Variants in HERC1 observed in about 807,000 individuals in gnomAD.
HERC1 encodes the protein probable E3 ubiquitin-protein ligase HERC1.
In HERC1, 160 loss-of-function variants were observed where a neutral mutation model predicts 554.3. That is an observed-to-expected ratio of 0.29 (90% CI 0.25 to 0.33). The LOEUF (loss-of-function observed/expected upper bound fraction) is 0.33, where lower values mean the gene tolerates loss of function less well. Among genes scored for constraint, HERC1 ranks in the 10% least tolerant of loss-of-function variants. The pLI, the probability that HERC1 is intolerant of heterozygous loss-of-function variation, is 1.00. For synonymous variants in HERC1, 2,175 were observed against 2,131.7 expected, an observed-to-expected ratio of 1.02 and a Z score of -0.56; for missense variants, 4,919 against 5,918.5, an observed-to-expected ratio of 0.83 and a Z score of 5.54.
In HERC1 at chr15:63,663,195, T is replaced by G; in HGVS notation, c.8690A>C (p.Tyr2897Ser). 6.2e-7 allele frequency: 1 copy of G among 1,613,532 alleles called. No individual in the cohort carries two copies. Among genetic ancestry groups the G allele is most frequent in the Non-Finnish European group, 8.5e-7 (1 of 1,179,524 alleles). ...RTLLARAAGL[Y>S]RSVQAHRNQS... is the part of the protein sequence containing the mutation. ...ATTCCTGTGGGCCTGCACAGAGCGG[T>G]ATAATCCCGCTCAGAACAAAACAAA... is the stretch of plus-strand genomic sequence containing the variant. Residue 2897 changes from tyrosine (Y) to serine (S), a missense_variant, in exon 44 of 78, where the codon TAC (tyrosine) becomes TCC (serine). Coordinates refer to ENST00000443617, the MANE Select transcript of HERC1 (RefSeq NM_003922.4).
intron 56 of HERC1, 72 bp downstream of exon 56, chr15:63,645,411 C>T: frequency 2.7e-6 from 3 of 1,124,858 alleles, no homozygotes; most frequent in East Asian, 5.0e-5. Context: ...TACTGAGAAG[C>T]CACACTTAAT....
At chr15:63,697,288 C>T (rs570833042) in intron 26 of HERC1, among the ~76,000 whole-genome samples, 3 of 152,068 alleles carry the variant, frequency 2.0e-5, no homozygotes, top group South Asian at 2.1e-4. Flanking sequence ...GACGACACTT[C>T]GGAAGAGCTG....
chr15:63,747,788 A>T lies in HERC1; in HGVS notation c.2290T>A (p.Phe764Ile). ...EESTFSHLRS[F>I]LERYCDKINS... Reference sequence around the variant, plus strand: ...ATTTTATCACAGTATCTCTCAAGAAAAGAACGCAGGTGTGAGAAGGTACTC... The same window carrying T: ...ATTTTATCACAGTATCTCTCAAGAATAGAACGCAGGTGTGAGAAGGTACTC... The change falls in exon 11 of 78, where the codon TTT (phenylalanine) becomes ATT (isoleucine). Residue 764 changes from phenylalanine (F) to isoleucine (I), a missense_variant. This residue lies in a region of HERC1 where 744 missense variants were observed against 1,090.0 expected (regional missense o/e 0.68). Transcript: ENST00000443617. The T allele has an allele frequency of 6.4e-7, 1 of 1,550,948 alleles. No individual in the cohort carries two copies. The highest frequency in any genetic ancestry group is 2.4e-5 in the East Asian group (1 of 40,908).
rs760636290 is a variant in HERC1, at chr15:63,616,547, C to A, written c.13824G>T (p.Leu4608=). The part of the protein sequence containing the change: ...LHLAPLVWKQ[L]CCVPLTLEDL... ...CCTCTAGGGTGAGTGGGACACAGCA[C>A]AGCTGCTTCCACACCAGAGGGGCCA... Residue 4608 remains leucine, a synonymous_variant, in exon 75 of 78, where the codon CTG becomes CTT. Transcript: ENST00000443617. 7.4e-6 allele frequency: 12 copies of A among 1,613,924 alleles called. No individual in the cohort carries two copies. The highest frequency in any genetic ancestry group is 9.3e-6 in the Non-Finnish European group (11 of 1,179,898).
chr15:63,738,419 AC>A (rs1173402606), intron 12 of HERC1, among the ~76,000 whole-genome samples: 1 of 152,228 alleles, frequency 6.6e-6, no homozygotes, highest in Non-Finnish European at 1.5e-5. Flanking sequence ...ATAGTATTAA[AC>A]CAATACTAAT....
rs1345311010 is a variant in HERC1, at chr15:63,749,139, T to C, written c.2219+228A>G. Among the ~76,000 whole-genome samples, 1 of 152,158 alleles carries C rather than the reference T, an allele frequency of 6.6e-6. No homozygotes were observed. The highest frequency in any genetic ancestry group is 1.5e-5 in the Non-Finnish European group (1 of 68,020). Reference sequence around the variant, plus strand: ...AACTCAAAATGTTTAAAAGACAATGTCTTAAATACTGGGTATGACTTCTTG... The same window carrying C: ...AACTCAAAATGTTTAAAAGACAATGCCTTAAATACTGGGTATGACTTCTTG... On this transcript the variant is annotated intron_variant, in intron 10 of 77. Transcript: ENST00000443617. This position sits in a 1 kb window ranked among gnomAD's most constrained non-coding sequence, Gnocchi z 4.1.
intron 1 of HERC1, among the ~76,000 whole-genome samples, chr15:63,813,370 TAAAAGAGCCCATACATAGATTACTCC>T (rs2077393214): frequency 6.9e-6 from 1 of 144,604 alleles, no homozygotes; most frequent in Non-Finnish European, 1.5e-5. Flanking sequence ...GTACACACAC[TAAAAGAGCCCATACATAGATTACTCC>T]AAAAGAGCCA....
In HERC1 at chr15:63,729,663, C is replaced by T. The variant is rs769281782; in HGVS notation, c.2869-14G>A. On this transcript the variant is annotated splice_polypyrimidine_tract_variant and intron_variant, in intron 14 of 77. Coordinates refer to ENST00000443617, the MANE Select transcript of HERC1 (RefSeq NM_003922.4). ...AAATGCTTGATCCTAAAATGACACA[C>T]AAAGGAAGTTTATATTTGAAGTGCT... 1 of 1,612,446 alleles carries T rather than the reference C, an allele frequency of 6.2e-7. No homozygotes were observed. Among genetic ancestry groups the T allele is most frequent in the South Asian group, 1.1e-5 (1 of 91,020 alleles).
rs567103025 is a variant in HERC1 at position 63,732,166 on chromosome 15, A to C, written c.2868+758T>G. ...TAGATGCCAGCCGCCACGCCTGGCT[A>C]ATTTTTGCATTTTTAGTAGAGACGG... is the stretch of plus-strand genomic sequence containing the variant. On this transcript the variant is annotated intron_variant, in intron 14 of 77. Transcript: ENST00000443617. Among the ~76,000 whole-genome samples, 41 of 152,050 alleles carry C rather than the reference A, an allele frequency of 2.7e-4. 1 individual carries two copies. Among genetic ancestry groups the C allele is most frequent in the African/African-American group, 9.9e-4 (41 of 41,472 alleles).
At chr15:63,665,873 G>T in intron 42 of HERC1, 46 bp downstream of exon 42, 1 of 1,434,404 alleles carries the variant, frequency 7.0e-7, no homozygotes, top group South Asian at 1.2e-5. Flanking sequence ...ATGGGGCTTT[G>T]AAATTTATAA....
In HERC1 at chr15:63,727,734, C is replaced by T. The variant is rs1012788096; in HGVS notation, c.3259G>A (p.Asp1087Asn). 1 of 1,613,766 alleles carries T rather than the reference C, an allele frequency of 6.2e-7. No individual in the cohort carries two copies. The highest frequency in any genetic ancestry group is 8.5e-7 in the Non-Finnish European group (1 of 1,179,844). ...AGGCAATCAAGAGGTGGCAACAAGT[C>T]GAGGAGGTAACTCAATAAAGGCCGA... ...VARPLLSYLL[D>N]LLPPLDCLNR... The change falls in exon 17 of 78, where the codon GAC (aspartate) becomes AAC (asparagine). Residue 1087 changes from aspartate (D) to asparagine (N), a missense_variant. By Grantham distance (23) the Asp-to-Asn change is conservative. Around this residue, in one of 11 missense-constraint regions of HERC1, gnomAD observed 1,121 missense variants for 1,244.0 expected, o/e 0.90. Coordinates refer to ENST00000443617, the MANE Select transcript of HERC1 (RefSeq NM_003922.4). This position sits in a 1 kb window ranked among gnomAD's most constrained non-coding sequence, Gnocchi z 4.3.
intron 1 of HERC1, among the ~76,000 whole-genome samples, chr15:63,806,817 T>A (rs1036299841): frequency 6.6e-6 from 1 of 152,238 alleles, no homozygotes; most frequent in Non-Finnish European, 1.5e-5. Context: ...TCATCCAGGC[T>A]GGAGTGCAGT....
At chr15:63,691,717 C>T (rs865783833) in intron 31 of HERC1, among the ~76,000 whole-genome samples, 14 of 151,404 alleles carry the variant, frequency 9.2e-5, no homozygotes, top group Middle Eastern at 3.2e-3. Context: ...TATAAAATAC[C>T]ATGTGCCGTA....
intron 1 of HERC1, among the ~76,000 whole-genome samples, chr15:63,808,621 A>G (rs565454206): frequency 1.1e-4 from 16 of 152,182 alleles, no homozygotes; most frequent in Admixed American, 5.9e-4. Flanking sequence ...ATCTTTGGGG[A>G]AAAAAAAGAG....
chr15:63,808,910 A>G (rs1017039989), intron 1 of HERC1, among the ~76,000 whole-genome samples: 1 of 152,182 alleles, frequency 6.6e-6, no homozygotes, highest in Non-Finnish European at 1.5e-5. Context: ...CATCATGACA[A>G]TCAACATTTT....
In HERC1 at chr15:63,666,479, C is replaced by CA. The variant is rs2070645695; in HGVS notation, c.8207-8dup. Reference sequence around the variant, plus strand: ...CTGCTTGGGTCTGACAAGGCTGAGACAAAAGGAAGAGAAATAAGAACCTAA... The same window carrying CA: ...CTGCTTGGGTCTGACAAGGCTGAGACAAAAAGGAAGAGAAATAAGAACCTAA... On this transcript the variant is annotated splice_polypyrimidine_tract_variant and splice_region_variant and intron_variant, in intron 40 of 77. Transcript: ENST00000443617. 4 of 1,555,702 alleles carry CA rather than the reference C, an allele frequency of 2.6e-6. No homozygotes were observed. Among genetic ancestry groups the CA allele is most frequent in the Non-Finnish European group, 3.5e-6 (4 of 1,136,324 alleles).
At chr15:63,660,269 G>A (rs957433818) in intron 46 of HERC1, among the ~76,000 whole-genome samples, 4 of 152,160 alleles carry the variant, frequency 2.6e-5, no homozygotes, top group African/African-American at 7.2e-5. Context: ...GCAGTAAGCT[G>A]AGATCACGCC....
At position 63,749,702 on chromosome 15, in the gene HERC1, G is replaced by A. The variant is rs1309284698; in HGVS notation, c.1992C>T (p.Ala664=). Residue 664 remains alanine (A), a synonymous_variant, in exon 9 of 78, where the codon GCC becomes GCT. Transcript: ENST00000443617. This position sits in a 1 kb window ranked among gnomAD's most constrained non-coding sequence, Gnocchi z 4.1. The part of the protein sequence containing the change: ...LRPKLIEELA[A]TRIVDVSIGD... ...CAATAGAAACATCAACTATTCTTGT[G>A]GCAGCCAGTTCTTCAATAAGCTTGG... 2 of 1,590,168 alleles carry A rather than the reference G, an allele frequency of 1.3e-6. No homozygotes were observed. The highest frequency in any genetic ancestry group is 1.7e-6 in the Non-Finnish European group (2 of 1,167,568).
intron 2 of HERC1, among the ~76,000 whole-genome samples, chr15:63,770,883 A>G (rs1275029236): frequency 1.3e-5 from 2 of 152,192 alleles, no homozygotes; most frequent in Non-Finnish European, 2.9e-5. Context: ...AGACAACAGT[A>G]AAGTGTAAGA....
Sources: gnomAD v4.1 joint callset for allele counts (sites outside exome capture counted in the v4.1 genomes callset) on GRCh38, gnomAD v4.1.1 for gene constraint, gnomAD v4.1.1 regional missense constraint, Gnocchi (gnomAD v3.1) non-coding constraint, MANE v1.5 for transcripts, NCBI Gene and HGNC (gene_info 2026-07-23, HGNC 2026-07-21) for gene names.